ELMO1: variants seen among roughly 807,000 people sequenced by gnomAD.
ELMO1 encodes the protein engulfment and cell motility protein 1.
A neutral mutation model predicts 98.9 loss-of-function variants in ELMO1; 26 were observed. The observed-to-expected ratio is 0.26, with a 90% CI of 0.19 to 0.36. The LOEUF is 0.36. Ranked by LOEUF, ELMO1 falls within the 10% of genes least tolerant of loss-of-function variation. ELMO1 has a pLI of 1.00. For missense variants in ELMO1, 627 were observed against 935.2 expected, an observed-to-expected ratio of 0.67 and a Z score of 4.30; for synonymous variants, 346 against 346.0, an observed-to-expected ratio of 1.00 and a Z score of 0.00.
chr7:37,343,243 C>A, intron 1 of ELMO1: 1 of 153,126 alleles, frequency 6.5e-6, no homozygotes, highest in Non-Finnish European at 1.5e-5. Flanking sequence ...ACTATAGCAA[C>A]CAGGATATCA....
chr7:37,364,777 T>C (rs1311439329), intron 1 of ELMO1, among the ~76,000 whole-genome samples: 1 of 152,200 alleles, frequency 6.6e-6, no homozygotes, highest in Non-Finnish European at 1.5e-5. Context: ...ATATCGGCTT[T>C]TCTATTACCA....
chr7:36,917,050 G>A (rs1784740939), intron 16 of ELMO1, among the ~76,000 whole-genome samples: 1 of 152,206 alleles, frequency 6.6e-6, no homozygotes. Context: ...AAGCTGCAGG[G>A]TGCAATTTTT....
intron 2 of ELMO1, among the ~76,000 whole-genome samples, chr7:37,336,945 AGAG>A (rs1306281372): frequency 4.6e-5 from 7 of 152,218 alleles, no homozygotes. Flanking sequence ...TGTTGAAGAC[AGAG>A]AAGAAGAAAA....
chr7:36,927,345 T>C (rs1785661514), intron 16 of ELMO1, among the ~76,000 whole-genome samples: 1 of 152,188 alleles, frequency 6.6e-6, no homozygotes, highest in Non-Finnish European at 1.5e-5. Context: ...ACTAGCGAAA[T>C]CAAGATTGTT....
intron 16 of ELMO1, among the ~76,000 whole-genome samples, chr7:36,933,999 G>A (rs1786281714): frequency 6.6e-6 from 1 of 152,226 alleles, no homozygotes; most frequent in Non-Finnish European, 1.5e-5. Context: ...GGTCTGAAAT[G>A]TGCTGATACA....
intron 14 of ELMO1, among the ~76,000 whole-genome samples, chr7:37,129,689 C>T (rs1786774580): frequency 6.6e-6 from 1 of 152,200 alleles, no homozygotes; most frequent in Non-Finnish European, 1.5e-5. Flanking sequence ...AAGTTATCTC[C>T]ATTTCTCTAT....
At chr7:37,251,342 G>A (rs1795339202) in intron 6 of ELMO1, among the ~76,000 whole-genome samples, 1 of 152,108 alleles carries the variant, frequency 6.6e-6, no homozygotes, top group Non-Finnish European at 1.5e-5. Flanking sequence ...CAGAAATTAG[G>A]AATGAAATTT....
At chr7:37,181,121 G>A (rs1357954892) in intron 13 of ELMO1, among the ~76,000 whole-genome samples, 3 of 151,932 alleles carry the variant, frequency 2.0e-5, no homozygotes, top group Non-Finnish European at 2.9e-5. Context: ...AAATAATAAC[G>A]ACAGTCCCAA....
At chr7:37,244,107 G>T (rs529411764) in intron 7 of ELMO1, among the ~76,000 whole-genome samples, 1 of 152,104 alleles carries the variant, frequency 6.6e-6, no homozygotes, top group East Asian at 1.9e-4. Flanking sequence ...ATCTTTCTGT[G>T]GTTACAGCAT....
chr7:37,439,372 C>A (rs921592869), intron 1 of ELMO1, among the ~76,000 whole-genome samples: 2 of 152,188 alleles, frequency 1.3e-5, no homozygotes, highest in Non-Finnish European at 2.9e-5. Context: ...CTTTCCAGAT[C>A]TTTCTCAAAA....
At chr7:37,395,118 C>G (rs1423832159) in intron 1 of ELMO1, among the ~76,000 whole-genome samples, 1 of 152,048 alleles carries the variant, frequency 6.6e-6, no homozygotes, top group Non-Finnish European at 1.5e-5. Context: ...GTAATCCCAG[C>G]ACTATGGGAG....
intron 13 of ELMO1, among the ~76,000 whole-genome samples, chr7:37,151,892 T>C (rs1211341559): frequency 6.6e-6 from 1 of 152,184 alleles, no homozygotes; most frequent in Non-Finnish European, 1.5e-5. Flanking sequence ...ATACGGTGAC[T>C]TCTGCTTCAG....
chr7:37,299,277 T>C (rs542918245), intron 4 of ELMO1, among the ~76,000 whole-genome samples: 25 of 151,842 alleles, frequency 1.6e-4, no homozygotes, highest in East Asian at 1.4e-3. Context: ...CTGATGGTAG[T>C]TTCTTTTGCT....
chr7:36,885,559 C>T (rs1804904526), intron 18 of ELMO1, among the ~76,000 whole-genome samples: 1 of 152,178 alleles, frequency 6.6e-6, no homozygotes, highest in Non-Finnish European at 1.5e-5. Context: ...ACTTCTGTGC[C>T]CTTTGCCCAA....
intron 1 of ELMO1, among the ~76,000 whole-genome samples, chr7:37,442,261 C>G (rs1445429788): frequency 6.6e-6 from 1 of 152,096 alleles, no homozygotes; most frequent in African/African-American, 2.4e-5. Flanking sequence ...GTAAAATGGC[C>G]AACAGCCTAC....
chr7:36,964,977 C>A (rs1166869976), intron 16 of ELMO1, among the ~76,000 whole-genome samples: 1 of 152,172 alleles, frequency 6.6e-6, no homozygotes. Flanking sequence ...TGGCCACTAT[C>A]ACCCCCCGCA....
At chr7:36,863,452 AT>A (rs576727570) in intron 20 of ELMO1, among the ~76,000 whole-genome samples, 562 of 152,346 alleles carry the variant, frequency 3.7e-3, no homozygotes, top group Admixed American at 6.7e-3. Context: ...TTAAAAAAAA[AT>A]CAATATGAAA....
intron 1 of ELMO1, among the ~76,000 whole-genome samples, chr7:37,380,954 C>A (rs1362393034): frequency 6.6e-6 from 1 of 152,106 alleles, no homozygotes; most frequent in African/African-American, 2.4e-5. Flanking sequence ...AGCTAAATCA[C>A]CAACAGAAAG....
intron 1 of ELMO1, among the ~76,000 whole-genome samples, chr7:37,387,473 T>C (rs938217387): frequency 2.6e-5 from 4 of 152,230 alleles, no homozygotes; most frequent in African/African-American, 7.2e-5. Context: ...GGACCAGTCA[T>C]ATTGGATTAG....
Sources: gnomAD v4.1 joint callset for allele counts (sites outside exome capture counted in the v4.1 genomes callset) on GRCh38, gnomAD v4.1.1 for gene constraint, MANE v1.5 for transcripts, NCBI Gene and HGNC (gene_info 2026-07-23, HGNC 2026-07-21) for gene names.